CNTN5: variants seen among roughly 807,000 people sequenced by gnomAD.
CNTN5 encodes the protein contactin-5.
In CNTN5, 77 loss-of-function variants were observed where a neutral mutation model predicts 129.1. The ratio of observed to expected loss-of-function variants is 0.60; its 90% CI spans 0.50 to 0.72. The LOEUF is 0.72. Among genes scored for constraint, CNTN5 ranks in the 30% least tolerant of loss-of-function variants. CNTN5 has a pLI of 0.00. For missense variants in CNTN5, 1,478 were observed against 1,328.8 expected (o/e 1.11, Z -1.75); for synonymous variants, 509 against 465.6 (o/e 1.09, Z -1.20).
chr11:99,737,531 A>G (rs1943751137), intron 3 of CNTN5, among the ~76,000 whole-genome samples: 1 of 152,098 alleles, frequency 6.6e-6, no homozygotes, highest in Non-Finnish European at 1.5e-5. Flanking sequence ...CAATTTCTTT[A>G]TTTCTGGTCT....
intron 1 of CNTN5, among the ~76,000 whole-genome samples, chr11:99,190,969 A>G (rs1858611837): frequency 6.6e-6 from 1 of 151,652 alleles, no homozygotes; most frequent in South Asian, 2.1e-4. Context: ...GAAGGATGTT[A>G]GCTGTGTTTA....
At position 99,940,018 on chromosome 11, in the gene CNTN5, G is replaced by A. The variant is rs528664542; in HGVS notation, c.674-16788G>A. ...TCTGGATTAGTTCTCAACCAGGAAT[G>A]ATTTTACCGTCAGGATACATTTGGA... On this transcript the variant is annotated intron_variant, in intron 7 of 24. Coordinates refer to ENST00000524871, the MANE Select transcript of CNTN5 (RefSeq NM_014361.4). 1.2e-4 allele frequency among the ~76,000 whole-genome samples: 18 copies of A among 152,280 alleles called. No homozygotes were observed. The East Asian group carries it at 2.5e-3, about 21-fold the overall frequency.
chr11:99,239,682 TC>T (rs1861442213), intron 1 of CNTN5, among the ~76,000 whole-genome samples: 1 of 152,154 alleles, frequency 6.6e-6, no homozygotes, highest in South Asian at 2.1e-4. Context: ...ACGCCTGTAA[TC>T]CCAGCACTTT....
At chr11:100,228,641 C>T (rs1275066194) in intron 16 of CNTN5, among the ~76,000 whole-genome samples, 4 of 152,136 alleles carry the variant, frequency 2.6e-5, no homozygotes, top group African/African-American at 9.7e-5. Context: ...TTATAATTTG[C>T]TATTCATTTG....
intron 7 of CNTN5, among the ~76,000 whole-genome samples, chr11:99,920,317 A>G (rs1031216744): frequency 8.5e-5 from 13 of 152,136 alleles, no homozygotes; most frequent in Non-Finnish European, 4.4e-5. Flanking sequence ...TGTCAGTACT[A>G]TAACTTCTTA....
intron 1 of CNTN5, among the ~76,000 whole-genome samples, chr11:99,029,826 G>A (rs1418467664): frequency 1.3e-5 from 2 of 152,014 alleles, no homozygotes; most frequent in Non-Finnish European, 2.9e-5. Flanking sequence ...GACTTGTACA[G>A]GTCACCTTGC....
At chr11:99,894,213 C>T (rs1949138707) in intron 6 of CNTN5, among the ~76,000 whole-genome samples, 1 of 152,090 alleles carries the variant, frequency 6.6e-6, no homozygotes. Flanking sequence ...CAACCTGGTG[C>T]TTCATTTGTC....
chr11:99,105,613 A>G (rs1048463493), intron 1 of CNTN5, among the ~76,000 whole-genome samples: 4 of 152,172 alleles, frequency 2.6e-5, no homozygotes, highest in East Asian at 3.8e-4. Flanking sequence ...AATTTCAAAC[A>G]TGACAAAGAC....
intron 20 of CNTN5, among the ~76,000 whole-genome samples, chr11:100,305,837 G>T (rs1165587781): frequency 6.6e-6 from 1 of 151,166 alleles, no homozygotes; most frequent in Non-Finnish European, 1.5e-5. Flanking sequence ...ATCAACTTCT[G>T]ATACCATTCA....
chr11:99,789,474 G>A (rs1945660535), intron 3 of CNTN5, among the ~76,000 whole-genome samples: 1 of 151,918 alleles, frequency 6.6e-6, no homozygotes, highest in South Asian at 2.1e-4. Flanking sequence ...GGAATAAACT[G>A]CAATAAACTA....
intron 2 of CNTN5, among the ~76,000 whole-genome samples, chr11:99,446,761 A>G (rs1320343435): frequency 6.6e-6 from 1 of 152,098 alleles, no homozygotes; most frequent in African/African-American, 2.4e-5. Flanking sequence ...TAGGCTATGT[A>G]CTCTCTTAGC....
At chr11:99,881,907 A>C (rs574187964) in intron 6 of CNTN5, among the ~76,000 whole-genome samples, 1 of 152,316 alleles carries the variant, frequency 6.6e-6, no homozygotes, top group African/African-American at 2.4e-5. Flanking sequence ...CATCTTGTTC[A>C]TCACAGTAGA....
chr11:99,322,492 C>T lies in CNTN5; in HGVS notation c.-209-2854C>T, dbSNP rs774810947. Among the ~76,000 whole-genome samples, 46 of 152,006 alleles carry T rather than the reference C, an allele frequency of 3.0e-4. 1 individual carries two copies. The highest frequency in any genetic ancestry group is 7.2e-4 in the Admixed American group (11 of 15,256). ...TCTTCAGGTGGACAGGGGTGGCAAG[C>T]GGTCATTTGAAGCATAGGGAACAGT... On this transcript the variant is annotated intron_variant, in intron 1 of 24. Coordinates refer to ENST00000524871, the MANE Select transcript of CNTN5 (RefSeq NM_014361.4).
chr11:100,299,121 C>G (rs1159221364), intron 19 of CNTN5, 41 bp from the exon 20 acceptor site: 40 of 1,270,124 alleles, frequency 3.1e-5, no homozygotes, highest in Non-Finnish European at 3.9e-5. Context: ...GATTTTTAAT[C>G]AATCATTTTG....
At chr11:99,568,810 T>C (rs2135570674) in intron 3 of CNTN5, among the ~76,000 whole-genome samples, 1 of 152,370 alleles carries the variant, frequency 6.6e-6, no homozygotes, top group South Asian at 2.1e-4. Context: ...AATCCTATTT[T>C]GCTAGCCATT....
chr11:99,672,319 A>G (rs1034200730), intron 3 of CNTN5, among the ~76,000 whole-genome samples: 8 of 151,904 alleles, frequency 5.3e-5, no homozygotes, highest in South Asian at 2.1e-4. Flanking sequence ...ACCACGTCCT[A>G]TAGTTTTTTT....
chr11:99,418,712 T>G (rs1049076528), intron 2 of CNTN5, among the ~76,000 whole-genome samples: 2 of 152,190 alleles, frequency 1.3e-5, no homozygotes, highest in African/African-American at 4.8e-5. Context: ...AATTGACAAG[T>G]GCCTTTTCAG....
intron 2 of CNTN5, among the ~76,000 whole-genome samples, chr11:99,522,956 T>A (rs7935878): frequency 6.6e-6 from 1 of 152,200 alleles, no homozygotes; most frequent in African/African-American, 2.4e-5. Flanking sequence ...CCTCTCCCTG[T>A]ACACACACTA....
intron 2 of CNTN5, among the ~76,000 whole-genome samples, chr11:99,355,828 T>G (rs897433871): frequency 6.7e-6 from 1 of 149,980 alleles, no homozygotes; most frequent in Non-Finnish European, 1.5e-5. Context: ...TTTGTTTTTT[T>G]TTTTTTTGTT....
Sources: gnomAD v4.1 joint callset for allele counts (sites outside exome capture counted in the v4.1 genomes callset) on GRCh38, gnomAD v4.1.1 for gene constraint, MANE v1.5 for transcripts, NCBI Gene and HGNC (gene_info 2026-07-23, HGNC 2026-07-21) for gene names.